STEAP3: variants seen among roughly 807,000 people sequenced by gnomAD.
STEAP3 encodes the protein metalloreductase STEAP3.
In STEAP3, 35 loss-of-function variants were observed where a neutral mutation model predicts 34.9. The observed-to-expected ratio is 1.00, with a 90% CI of 0.76 to 1.33. The LOEUF is 1.33. Among genes scored for constraint, STEAP3 ranks in the 40% most tolerant of loss-of-function variants. The pLI is 0.00. For synonymous variants in STEAP3, 281 were observed against 301.6 expected, an observed-to-expected ratio of 0.93 and a Z score of 0.71; for missense variants, 652 against 667.6, an observed-to-expected ratio of 0.98 and a Z score of 0.26.
chr2:119,247,643 G>C, intron 3 of STEAP3, 36 bp from the exon 4 acceptor site: 1 of 1,503,362 alleles, frequency 6.7e-7, no homozygotes, highest in South Asian at 1.3e-5. Flanking sequence ...CCTGTGGCCT[G>C]TGACGCCGTC....
Position 119,263,615 on chromosome 2 carries a change from A to G in STEAP3, c.*277A>G. 5.7e-6 allele frequency: 3 copies of G among 530,590 alleles called. No homozygotes were observed. Among genetic ancestry groups the G allele is most frequent in the Non-Finnish European group, 1.0e-5 (3 of 295,360 alleles). The allele number at this position is 530,590 out of a possible 1,614,324, so 32.9% of individuals were successfully genotyped here. On this transcript the variant is annotated 3_prime_UTR_variant, in exon 6 of 6. Transcript: ENST00000393110. ...CTCTGAGATTTCAACTTGTAGATTTAAAAACAAGTGCCGTACGTTAAGAGA... is the reference window on the plus strand; with the variant it reads ...CTCTGAGATTTCAACTTGTAGATTTGAAAACAAGTGCCGTACGTTAAGAGA...
chr2:119,231,077 G>A, intron 2 of STEAP3, 43 bp downstream of exon 2: 16 of 1,613,598 alleles, frequency 9.9e-6, no homozygotes, highest in Non-Finnish European at 1.4e-5. Context: ...CATGGGTCGT[G>A]TGCAAACCCC....
chr2:119,244,254 T>G (rs1677339077), intron 2 of STEAP3, among the ~76,000 whole-genome samples: 1 of 84,054 alleles, frequency 1.2e-5, no homozygotes, highest in Non-Finnish European at 2.5e-5. Flanking sequence ...ATTATTATTA[T>G]TATTATTTTG....
chr2:119,252,327 G>T (rs775539280), intron 4 of STEAP3, among the ~76,000 whole-genome samples: 1 of 152,220 alleles, frequency 6.6e-6, no homozygotes, highest in African/African-American at 2.4e-5. Context: ...CAGAGTCAGC[G>T]TCAGAATCCA....
chr2:119,237,987 G>A (rs529714376), intron 2 of STEAP3, among the ~76,000 whole-genome samples: 32 of 152,302 alleles, frequency 2.1e-4, no homozygotes, highest in African/African-American at 7.7e-4. Flanking sequence ...CACCCCTGTT[G>A]GATGCATACT....
intron 2 of STEAP3, among the ~76,000 whole-genome samples, chr2:119,243,723 C>T (rs1052378879): frequency 1.3e-5 from 2 of 152,278 alleles, no homozygotes; most frequent in African/African-American, 4.8e-5. Flanking sequence ...AGATTGTGAT[C>T]TCCATTGACA....
chr2:119,247,663 C>T lies in STEAP3; in HGVS notation c.523-16C>T, dbSNP rs749096033. On this transcript the variant is annotated splice_polypyrimidine_tract_variant and intron_variant, in intron 3 of 5. Transcript: ENST00000393110. ...GGCCTGTGACGCCGTCTGACTGCCC[C>T]ACTTTTCTCCCGCAGGTGCCCATCT... The T allele has an allele frequency of 4.6e-6, 7 of 1,513,280 alleles. No homozygotes were observed. In the East Asian group the frequency reaches 1.4e-4, roughly 30 times the overall value. The allele number at this position is 1,513,280 out of a possible 1,614,324, so 93.7% of individuals were successfully genotyped here.
Position 119,263,716 on chromosome 2 carries a change from G to T in STEAP3, c.*378G>T. Reference sequence around the variant, plus strand: ...GTACAGAAGAGGCTTGTGCTGTGGTGGGTTCGATTTATCCCTGCCCACCCC... The same window carrying T: ...GTACAGAAGAGGCTTGTGCTGTGGTTGGTTCGATTTATCCCTGCCCACCCC... On this transcript the variant is annotated 3_prime_UTR_variant, in exon 6 of 6. Coordinates refer to ENST00000393110, the MANE Select transcript of STEAP3 (RefSeq NM_182915.3). 2.9e-6 allele frequency: 1 copy of T among 339,584 alleles called. No individual in the cohort carries two copies. The allele number at this position is 339,584 out of a possible 1,614,324, so 21.0% of individuals were successfully genotyped here.
At position 119,263,238 on chromosome 2, in the gene STEAP3, G is replaced by T. The variant is rs139180247; in HGVS notation, c.1397G>T (p.Arg466Leu). Residue 466 changes from arginine to leucine, a missense_variant, in exon 6 of 6, where the codon CGC (arginine) becomes CTC (leucine). By Grantham distance (102) the Arg-to-Leu change is moderately radical (BLOSUM62 -2). Coordinates refer to ENST00000393110, the MANE Select transcript of STEAP3 (RefSeq NM_182915.3). ...KALFLLPCISRRLARIRRGWE... is the reference protein window; with the variant it reads ...KALFLLPCISLRLARIRRGWE... The stretch of plus-strand genomic sequence containing the variant: ...CTGTTTCTCCTGCCCTGCATCAGCC[G>T]CAGACTCGCCAGGATCCGGAGAGGC... The T allele has an allele frequency of 2.5e-6, 4 of 1,614,110 alleles. No individual in the cohort carries two copies. Among genetic ancestry groups the T allele is most frequent in the East Asian group, 2.2e-5 (1 of 44,882 alleles).
chr2:119,229,283 C>T (rs1327352286), intron 1 of STEAP3, among the ~76,000 whole-genome samples: 2 of 152,178 alleles, frequency 1.3e-5, no homozygotes, highest in Admixed American at 1.3e-4. Flanking sequence ...GCTGGGATTA[C>T]AGGTGTGCTC....
rs370256319 is a variant in STEAP3, at chr2:119,254,818, G to A, written c.1185G>A (p.Ser395=). The A allele has an allele frequency of 1.2e-6, 2 of 1,613,990 alleles. No homozygotes were observed. The highest frequency in any genetic ancestry group is 1.3e-5 in the African/African-American group (1 of 74,914). The change falls in exon 5 of 6, where the codon TCG becomes TCA. Residue 395 remains serine (S), a synonymous_variant. Transcript: ENST00000393110. ...CCTCACTGCCGTCCATTGCAAACTC[G>A]CTCAACTGGAGGGAGTTCAGCTTCG... ...AVTSLPSIAN[S]LNWREFSFVQ... is the part of the protein sequence containing the mutation.
intron 2 of STEAP3, among the ~76,000 whole-genome samples, chr2:119,236,991 A>G (rs968376752): frequency 3.3e-5 from 5 of 152,262 alleles, no homozygotes; most frequent in Non-Finnish European, 7.3e-5. Context: ...TCACTTGTCC[A>G]GAGGTCACGG....
chr2:119,226,955 CACTA>C (rs1379550360), intron 1 of STEAP3, among the ~76,000 whole-genome samples: 2 of 152,180 alleles, frequency 1.3e-5, no homozygotes, highest in Admixed American at 6.5e-5. Flanking sequence ...GACTCCTAGC[CACTA>C]ACTAACTGCC....
intron 4 of STEAP3, chr2:119,248,782 G>T (rs1677532206): frequency 6.6e-6 from 1 of 152,562 alleles, no homozygotes; most frequent in African/African-American, 2.4e-5. Context: ...GTGAAATAGG[G>T]AGCTGGTGAA....
intron 2 of STEAP3, among the ~76,000 whole-genome samples, chr2:119,240,922 C>T (rs914226844): frequency 3.3e-5 from 5 of 152,204 alleles, no homozygotes; most frequent in African/African-American, 1.2e-4. Context: ...TACCACCTGT[C>T]CTGCCCCCAA....
chr2:119,248,760 C>G (rs137871386), intron 4 of STEAP3: 2 of 152,840 alleles, frequency 1.3e-5, no homozygotes, highest in African/African-American at 4.8e-5. Context: ...GAGCTTCAGC[C>G]TTAGGCTCCG....
chr2:119,231,635 C>T (rs541979152), intron 2 of STEAP3, among the ~76,000 whole-genome samples: 2 of 152,156 alleles, frequency 1.3e-5, no homozygotes, highest in Non-Finnish European at 2.9e-5. Flanking sequence ...AACTTGCGCG[C>T]ACGTGTATTT....
intron 2 of STEAP3, among the ~76,000 whole-genome samples, chr2:119,233,701 T>C (rs1036900330): frequency 1.3e-5 from 2 of 152,176 alleles, no homozygotes; most frequent in African/African-American, 4.8e-5. Context: ...AGAGAACCAG[T>C]GTGTGCAGCC....
intron 1 of STEAP3, among the ~76,000 whole-genome samples, chr2:119,227,196 A>G (rs1679067321): frequency 6.6e-6 from 1 of 152,128 alleles, no homozygotes; most frequent in Non-Finnish European, 1.5e-5. Context: ...CATGTGAGTG[A>G]GCAAGGATGC....
Sources: allele counts gnomAD v4.1 joint callset (sites outside exome capture counted in the v4.1 genomes callset), GRCh38; gene constraint gnomAD v4.1.1; transcripts MANE v1.5; gene names NCBI Gene and HGNC (gene_info 2026-07-23, HGNC 2026-07-21).